The following ATP11A variants were observed in gnomAD, a reference collection of about 807,000 sequenced individuals.
ATP11A encodes the protein phospholipid-transporting ATPase IH.
Under a neutral mutation model 154.4 loss-of-function variants are expected in ATP11A, and 81 were observed. The observed-to-expected ratio is 0.52, with a 90% confidence interval of 0.44 to 0.63. ATP11A has a LOEUF of 0.63. Among genes scored for constraint, ATP11A ranks in the 30% least tolerant of loss-of-function variants. The probability of loss-of-function intolerance (pLI) is 0.00; values close to 1 mark genes in which losing one functional copy is unlikely to be tolerated. For synonymous variants in ATP11A, 623 were observed against 585.9 expected (o/e 1.06, Z -0.91); for missense variants, 1,316 against 1,474.3 (o/e 0.89, Z 1.76).
intron 6 of ATP11A, among the ~76,000 whole-genome samples, chr13:112,816,609 A>C (rs1488229059): frequency 1.3e-5 from 2 of 151,982 alleles, no homozygotes; most frequent in African/African-American, 2.4e-5. Flanking sequence ...TTGTCCACTC[A>C]GTGCGGCAAA....
chr13:112,761,899 A>G (rs545177328), intron 1 of ATP11A, among the ~76,000 whole-genome samples: 223 of 152,304 alleles, frequency 1.5e-3, no homozygotes, highest in Non-Finnish European at 2.4e-3. Flanking sequence ...AACCTGCAGC[A>G]GGGGTGGGGC....
At chr13:112,782,300 A>T (rs767562598) in intron 1 of ATP11A, among the ~76,000 whole-genome samples, 40 of 152,272 alleles carry the variant, frequency 2.6e-4, no homozygotes, top group South Asian at 8.3e-4. Flanking sequence ...ACACGGCTCC[A>T]GGGAAGCGTT....
intron 1 of ATP11A, among the ~76,000 whole-genome samples, chr13:112,748,084 G>C (rs773657837): frequency 6.6e-6 from 1 of 152,184 alleles, no homozygotes; most frequent in Non-Finnish European, 1.5e-5. Context: ...TTACCATCAG[G>C]CTGTGTGTAT....
At chr13:112,736,774 A>C (rs534919527) in intron 1 of ATP11A, among the ~76,000 whole-genome samples, 1 of 152,322 alleles carries the variant, frequency 6.6e-6, no homozygotes, top group African/African-American at 2.4e-5. Flanking sequence ...TTACATTGAG[A>C]CTAAAATTAA....
At chr13:112,770,437 C>T (rs1335009635) in intron 1 of ATP11A, among the ~76,000 whole-genome samples, 3 of 152,166 alleles carry the variant, frequency 2.0e-5, no homozygotes, top group Non-Finnish European at 2.9e-5. Flanking sequence ...GAAATCCAGT[C>T]GTTACCATGA....
intron 1 of ATP11A, among the ~76,000 whole-genome samples, chr13:112,738,897 C>T (rs564494157): frequency 1.3e-5 from 2 of 152,066 alleles, no homozygotes; most frequent in Non-Finnish European, 2.9e-5. Flanking sequence ...GTCTTCTTCC[C>T]CTAGTGAAAC....
At chr13:112,704,339 G>A (rs951953166) in intron 1 of ATP11A, among the ~76,000 whole-genome samples, 4 of 152,226 alleles carry the variant, frequency 2.6e-5, no homozygotes, top group Admixed American at 1.3e-4. Context: ...GGCCTCTGGC[G>A]ATTGTTGGAG....
chr13:112,833,671 A>G (rs2140257780), intron 14 of ATP11A, among the ~76,000 whole-genome samples: 1 of 152,272 alleles, frequency 6.6e-6, no homozygotes, highest in Non-Finnish European at 1.5e-5. Flanking sequence ...TCGCTGCTAA[A>G]CTAATGTGTT....
intron 5 of ATP11A, among the ~76,000 whole-genome samples, chr13:112,812,912 G>A (rs1206946733): frequency 6.6e-6 from 1 of 152,168 alleles, no homozygotes; most frequent in East Asian, 1.9e-4. Context: ...TTCCTTTAAT[G>A]ATTATATTTC....
chr13:112,854,256 G>A (rs555093192), intron 18 of ATP11A, 23 bp from the exon 19 acceptor site: 5 of 1,612,546 alleles, frequency 3.1e-6, no homozygotes, highest in African/African-American at 2.7e-5. Flanking sequence ...TCTCTATGCT[G>A]TGTTTGGTTT....
Position 112,834,676 on chromosome 13 carries a change from AC to A in ATP11A, c.1631+19del. 6.3e-7 allele frequency: 1 copy of A among 1,593,986 alleles called. No homozygotes were observed. Among genetic ancestry groups the A allele is most frequent in the Non-Finnish European group, 8.6e-7 (1 of 1,162,690 alleles). ...ACATCGAAAGGTATGTGCAGACCTCACCCTCAGATGTGAAAGGACTAACGAA... is the reference window on the plus strand; with the variant it reads ...ACATCGAAAGGTATGTGCAGACCTCACCTCAGATGTGAAAGGACTAACGAA... On this transcript the variant is annotated intron_variant, in intron 15 of 29. Coordinates refer to ENST00000375645, the MANE Select transcript of ATP11A (RefSeq NM_015205.3).
intron 27 of ATP11A, among the ~76,000 whole-genome samples, chr13:112,874,205 G>C (rs1186208714): frequency 6.6e-6 from 1 of 152,212 alleles, no homozygotes; most frequent in Non-Finnish European, 1.5e-5. Context: ...CTCTGGTTTG[G>C]GGGAGAGCAG....
Position 112,690,521 on chromosome 13 carries a change from C to T in ATP11A, c.39+66C>T, listed in dbSNP as rs2139425983. 8.0e-7 allele frequency: 1 copy of T among 1,256,156 alleles called. No homozygotes were observed. Among genetic ancestry groups the T allele is most frequent in the African/African-American group, 1.5e-5 (1 of 64,608 alleles). 77.8% of individuals were successfully genotyped at this position (1,256,156 alleles called of 1,614,324 possible). The stretch of plus-strand genomic sequence containing the variant: ...ACAGACGCGGGCCGGCCCCGCAGCC[C>T]GGACCCTGTGGCCGGTCCAGCCCCG... On this transcript the variant is annotated intron_variant, in intron 1 of 29. Coordinates refer to ENST00000375645, the MANE Select transcript of ATP11A (RefSeq NM_015205.3). The surrounding 1 kb of genome is among the most constrained non-coding windows in gnomAD (Gnocchi z 5.6).
chr13:112,782,560 C>A (rs2077525761), intron 1 of ATP11A, among the ~76,000 whole-genome samples: 1 of 152,248 alleles, frequency 6.6e-6, no homozygotes, highest in African/African-American at 2.4e-5. Flanking sequence ...CCTTTATAGG[C>A]AGCAGTTTAT....
At chr13:112,847,193 T>C (rs2079634423) in intron 17 of ATP11A, among the ~76,000 whole-genome samples, 4 of 152,212 alleles carry the variant, frequency 2.6e-5, no homozygotes, top group Admixed American at 2.0e-4. Flanking sequence ...GGCAGCATTT[T>C]ATTTTGAAAT....
intron 12 of ATP11A, among the ~76,000 whole-genome samples, chr13:112,827,472 T>G (rs564423114): frequency 6.6e-6 from 1 of 152,362 alleles, no homozygotes; most frequent in Non-Finnish European, 1.5e-5. Flanking sequence ...GCACAGAGTC[T>G]GGTGTGACCA....
chr13:112,851,024 T>C lies in ATP11A; in HGVS notation c.1810-13T>C, dbSNP rs2079749299. On this transcript the variant is annotated splice_polypyrimidine_tract_variant and intron_variant, in intron 17 of 29. Transcript: ENST00000375645. The stretch of plus-strand genomic sequence containing the variant: ...CCTTGAATTCGTGCTAAACGCTGCA[T>C]TGTGTTCTGCAGGAGGGGCTCCGAA... 1.2e-6 allele frequency: 2 copies of C among 1,611,432 alleles called. No homozygotes were observed. The highest frequency in any genetic ancestry group is 2.2e-5 in the East Asian group (1 of 44,814).
rs2078362586 is a variant in ATP11A, at chr13:112,807,710, TCA to T, written c.333+1420_333+1421del. ...CTGCCATGTGTCCTCGGGCCCAAAG[TCA>T]CAGTTTCCAGGAACCCATCGTGGAG... is the stretch of plus-strand genomic sequence containing the variant. On this transcript the variant is annotated intron_variant, in intron 4 of 29. Coordinates refer to ENST00000375645, the MANE Select transcript of ATP11A (RefSeq NM_015205.3). This position sits in a 1 kb window ranked among gnomAD's most constrained non-coding sequence, Gnocchi z 4.5. Among the ~76,000 whole-genome samples, 1 of 152,078 alleles carries T rather than the reference TCA, an allele frequency of 6.6e-6. No homozygotes were observed. The highest frequency in any genetic ancestry group is 2.4e-5 in the African/African-American group (1 of 41,394).
intron 1 of ATP11A, among the ~76,000 whole-genome samples, chr13:112,781,946 T>C (rs2077511345): frequency 6.6e-6 from 1 of 152,228 alleles, no homozygotes; most frequent in African/African-American, 2.4e-5. Flanking sequence ...GGTCCTTTCC[T>C]GTTCCAATCT....
Sources: allele counts gnomAD v4.1 joint callset (sites outside exome capture counted in the v4.1 genomes callset), GRCh38; gene constraint gnomAD v4.1.1; non-coding constraint Gnocchi (gnomAD v3.1); transcripts MANE v1.5; gene names NCBI Gene and HGNC (gene_info 2026-07-23, HGNC 2026-07-21).